Variants in BEST2 observed in about 807,000 individuals in gnomAD.
BEST2 encodes the protein bestrophin-2a.
A neutral mutation model predicts 49.0 loss-of-function variants in BEST2; 36 were observed. The ratio of observed to expected loss-of-function variants is 0.73; its 90% CI spans 0.56 to 0.97. The LOEUF is 0.97. BEST2 is among the 50% of genes least tolerant of loss of function. BEST2 has a pLI of 0.00. For missense variants in BEST2, 672 were observed against 710.0 expected (o/e 0.95, Z 0.61); for synonymous variants, 335 against 304.4 (o/e 1.10, Z -1.05).
chr19:12,756,338 T>C, intron 9 of BEST2, 43 bp downstream of exon 9: 1 of 1,604,258 alleles, frequency 6.2e-7, no homozygotes, highest in Non-Finnish European at 8.5e-7. Context: ...GCAGGGCTTA[T>C]GGCTCTGCGG....
chr19:12,753,504 A>C, intron 3 of BEST2, 150 bp downstream of exon 3: 11 of 685,610 alleles, frequency 1.6e-5, no homozygotes, highest in East Asian at 2.9e-5. Flanking sequence ...TTGGATCCAT[A>C]TCATGAAGAT....
intron 1 of BEST2, 101 bp from the exon 2 acceptor site, chr19:12,752,441 G>A (rs985528769): frequency 9.5e-6 from 7 of 740,412 alleles, no homozygotes; most frequent in African/African-American, 1.8e-5. Flanking sequence ...GGGAGGAGAA[G>A]GCAACTCAGG....
Position 12,753,254 on chromosome 19 carries a change from C to G in BEST2, c.153-6C>G. 1 of 1,614,112 alleles carries G rather than the reference C, an allele frequency of 6.2e-7. No homozygotes were observed. On this transcript the variant is annotated splice_polypyrimidine_tract_variant and splice_region_variant and intron_variant, in intron 2 of 9. Coordinates refer to ENST00000553030, the MANE Select transcript of BEST2 (RefSeq NM_017682.3). Reference sequence around the variant, plus strand: ...TGACCTGTGACCCCTCATCTCTATCCCGCAGCTTTGTGCTGACCGAAGGGC... The same window carrying G: ...TGACCTGTGACCCCTCATCTCTATCGCGCAGCTTTGTGCTGACCGAAGGGC...
Position 12,757,879 on chromosome 19 carries a change from G to A in BEST2, c.1332G>A (p.Pro444=). ...SCAVVPEGAA[P]ECSCGDPLLD... is the part of the protein sequence containing the mutation. ...CGGTTGTCCCCGAAGGCGCGGCCCC[G>A]GAGTGCAGCTGCGGGGACCCGCTGC... The change falls in exon 10 of 10, where the codon CCG becomes CCA. Residue 444 remains proline (P), a synonymous_variant. Coordinates refer to ENST00000553030, the MANE Select transcript of BEST2 (RefSeq NM_017682.3). 2 of 1,550,302 alleles carry A rather than the reference G, an allele frequency of 1.3e-6. No homozygotes were observed. The highest frequency in any genetic ancestry group is 1.7e-6 in the Non-Finnish European group (2 of 1,147,844).
At chr19:12,756,712 T>C (rs1298614610) in intron 9 of BEST2, 1 of 206,136 alleles carries the variant, frequency 4.9e-6, no homozygotes, top group Non-Finnish European at 1.0e-5. Flanking sequence ...CCAAGCGTGG[T>C]GGTGCACGCC....
rs766187425 is a variant in BEST2 at position 12,755,080 on chromosome 19, C to A, written c.636+49C>A. 1 of 1,547,532 alleles carries A rather than the reference C, an allele frequency of 6.5e-7. No individual in the cohort carries two copies. Among genetic ancestry groups the A allele is most frequent in the South Asian group, 1.2e-5 (1 of 80,540 alleles). On this transcript the variant is annotated intron_variant, in intron 5 of 9. Transcript: ENST00000553030. The surrounding 1 kb of genome is among the most constrained non-coding windows in gnomAD (Gnocchi z 4.4). The stretch of plus-strand genomic sequence containing the variant: ...CATATAGAATACCAGGGAAATTGTA[C>A]CCCTGGAGCTGTGTCAACGGCGGCC...
chr19:12,752,781 G>A (rs752076555), intron 2 of BEST2, 37 bp downstream of exon 2: 19 of 1,559,706 alleles, frequency 1.2e-5, no homozygotes, highest in South Asian at 4.7e-5. Context: ...TCTAGCGGAG[G>A]GGGGGCAGCT....
chr19:12,752,434 A>T, intron 1 of BEST2, 108 bp from the exon 2 acceptor site: 1 of 688,528 alleles, frequency 1.5e-6, no homozygotes. Context: ...TAAAGCTGGG[A>T]GGAGAAGGCA....
At position 12,755,038 on chromosome 19, in the gene BEST2, C is replaced by G; in HGVS notation, c.636+7C>G. The G allele has an allele frequency of 6.3e-7, 1 of 1,592,794 alleles. No homozygotes were observed. Among genetic ancestry groups the G allele is most frequent in the African/African-American group, 1.4e-5 (1 of 73,606 alleles). On this transcript the variant is annotated splice_region_variant and intron_variant, in intron 5 of 9. Transcript: ENST00000553030. The surrounding 1 kb of genome is among the most constrained non-coding windows in gnomAD (Gnocchi z 4.4). The stretch of plus-strand genomic sequence containing the variant: ...CCTTAAGCTGCTGCTCGAGGTGGGC[C>G]CAACCAGGAGGTCATTCATATAGAA...
In BEST2 at chr19:12,755,259, C is replaced by T. The variant is rs1967926943; in HGVS notation, c.637-120C>T. 4 of 1,171,928 alleles carry T rather than the reference C, an allele frequency of 3.4e-6. No homozygotes were observed. The highest frequency in any genetic ancestry group is 5.0e-6 in the Non-Finnish European group (4 of 800,932). The allele number at this position is 1,171,928 out of a possible 1,614,324, so 72.6% of individuals were successfully genotyped here. A position where few individuals can be genotyped will look rare whatever the true frequency, so the allele number is the denominator to read the frequency against. On this transcript the variant is annotated intron_variant, in intron 5 of 9. Transcript: ENST00000553030. This position sits in a 1 kb window ranked among gnomAD's most constrained non-coding sequence, Gnocchi z 4.4. ...ACCACCAAATACCCTCCCTGGAACC[C>T]CCAAAGCACACTCCCAATTCCCACC...
At chr19:12,756,110 C>G (rs1417084959) in intron 8 of BEST2, 31 bp from the exon 9 acceptor site, 1 of 1,613,366 alleles carries the variant, frequency 6.2e-7, no homozygotes, top group East Asian at 2.2e-5. Flanking sequence ...TTGCCCTGCC[C>G]CCACTTTACC....
intron 9 of BEST2, among the ~76,000 whole-genome samples, chr19:12,756,867 G>A (rs1967950971): frequency 6.6e-6 from 1 of 151,834 alleles, no homozygotes; most frequent in Admixed American, 6.6e-5. Flanking sequence ...ATAAAGGCCA[G>A]GCGCAGTGGC....
chr19:12,755,445 G>A lies in BEST2; in HGVS notation c.703G>A (p.Val235Met), dbSNP rs770640416. Residue 235 changes from valine to methionine, a missense_variant, in exon 6 of 10, where the codon GTG (valine) becomes ATG (methionine). Physicochemically the swap from Val to Met is conservative, Grantham distance 21 (BLOSUM62 1). This residue lies in a region of BEST2 where 365 missense variants were observed against 390.9 expected (regional missense o/e 0.93). Coordinates refer to ENST00000553030, the MANE Select transcript of BEST2 (RefSeq NM_017682.3). The surrounding 1 kb of genome is among the most constrained non-coding windows in gnomAD (Gnocchi z 4.4). ...CTATGACTGGATTAGCGTACCCCTC[G>A]TGTACACGCAGGTAACCCCATCATG... is the stretch of plus-strand genomic sequence containing the variant. ...FHYDWISVPL[V>M]YTQVVTIALY... The A allele has an allele frequency of 2.0e-5, 33 of 1,613,904 alleles. No homozygotes were observed. The highest frequency in any genetic ancestry group is 8.0e-5 in the African/African-American group (6 of 74,866).
chr19:12,757,763 G>A lies in BEST2; in HGVS notation c.1216G>A (p.Ala406Thr), dbSNP rs371090751. 3 of 1,544,636 alleles carry A rather than the reference G, an allele frequency of 1.9e-6. No individual in the cohort carries two copies. Among genetic ancestry groups the A allele is most frequent in the Non-Finnish European group, 2.6e-6 (3 of 1,146,016 alleles). Residue 406 changes from alanine (A) to threonine (T), a missense_variant, in exon 10 of 10, where the codon GCG (alanine) becomes ACG (threonine). Transcript: ENST00000553030. ...RLLPAGAGMVAGGPLGRRLSF... is the reference protein window; with the variant it reads ...RLLPAGAGMVTGGPLGRRLSF... The stretch of plus-strand genomic sequence containing the variant: ...CCTGCCGGCGGGCGCGGGCATGGTC[G>A]CGGGAGGCCCGCTGGGCCGGCGCCT...
Position 12,755,014 on chromosome 19 carries a change from C to T in BEST2, c.619C>T (p.Leu207Phe). 6.2e-7 allele frequency: 1 copy of T among 1,604,924 alleles called. No individual in the cohort carries two copies. Among genetic ancestry groups the T allele is most frequent in the Non-Finnish European group, 8.5e-7 (1 of 1,177,268 alleles). Residue 207 changes from leucine to phenylalanine, a missense_variant, in exon 5 of 10, where the codon CTT becomes TTT. Leu to Phe is a conservative substitution (Grantham distance 22, BLOSUM62 0). This residue lies in a region of BEST2 where 365 missense variants were observed against 390.9 expected (regional missense o/e 0.93). Coordinates refer to ENST00000553030, the MANE Select transcript of BEST2 (RefSeq NM_017682.3). This position sits in a 1 kb window ranked among gnomAD's most constrained non-coding sequence, Gnocchi z 4.4. ...GGGCCGCATCCGCGACAACAGCGCC[C>T]TTAAGCTGCTGCTCGAGGTGGGCCC... ...REGRIRDNSA[L>F]KLLLEELNVF...
chr19:12,756,951 C>G (rs1967951936), intron 9 of BEST2, among the ~76,000 whole-genome samples: 1 of 152,134 alleles, frequency 6.6e-6, no homozygotes, highest in Non-Finnish European at 1.5e-5. Flanking sequence ...CGAGACCAGC[C>G]TGGCCAACAT....
rs1277012963 is a variant in BEST2, at chr19:12,754,589, C to A, written c.285C>A (p.Ser95Arg). ...YVTLVVNRWW[S>R]QYLCMPLPDA... ...CGCTGGTGGTGAACCGCTGGTGGAGCCAGTACCTATGCATGCCGCTGCCCG... is the reference window on the plus strand; with the variant it reads ...CGCTGGTGGTGAACCGCTGGTGGAGACAGTACCTATGCATGCCGCTGCCCG... The change falls in exon 4 of 10, where the codon AGC becomes AGA. Residue 95 changes from serine to arginine, a missense_variant. Coordinates refer to ENST00000553030, the MANE Select transcript of BEST2 (RefSeq NM_017682.3). 3.9e-6 allele frequency: 6 copies of A among 1,558,128 alleles called. No homozygotes were observed. Among genetic ancestry groups the A allele is most frequent in the South Asian group, 1.2e-5 (1 of 85,562 alleles).
Position 12,757,878 on chromosome 19 carries a change from C to T in BEST2, c.1331C>T (p.Pro444Leu), listed in dbSNP as rs756045831. ...GCGGTTGTCCCCGAAGGCGCGGCCC[C>T]GGAGTGCAGCTGCGGGGACCCGCTG... ...SCAVVPEGAA[P>L]ECSCGDPLLD... Residue 444 changes from proline (P) to leucine (L), a missense_variant, in exon 10 of 10, where the codon CCG (proline) becomes CTG (leucine). This residue lies in a region of BEST2 where 291 missense variants were observed against 279.8 expected (regional missense o/e 1.04). Coordinates refer to ENST00000553030, the MANE Select transcript of BEST2 (RefSeq NM_017682.3). 1.8e-5 allele frequency: 28 copies of T among 1,549,822 alleles called. No homozygotes were observed. The highest frequency in any genetic ancestry group is 2.3e-5 in the Non-Finnish European group (26 of 1,147,668).
In BEST2 at chr19:12,757,779, G is replaced by C; in HGVS notation, c.1232G>C (p.Gly411Ala). Residue 411 changes from glycine (G) to alanine (A), a missense_variant, in exon 10 of 10, where the codon GGC (glycine) becomes GCC (alanine). Physicochemically the swap from Gly to Ala is moderately conservative, Grantham distance 60. This residue lies in a region of BEST2 where 291 missense variants were observed against 279.8 expected (regional missense o/e 1.04). Coordinates refer to ENST00000553030, the MANE Select transcript of BEST2 (RefSeq NM_017682.3). ...GGCATGGTCGCGGGAGGCCCGCTGGGCCGGCGCCTGTCCTTTCTACTCCGC... is the reference window on the plus strand; with the variant it reads ...GGCATGGTCGCGGGAGGCCCGCTGGCCCGGCGCCTGTCCTTTCTACTCCGC... ...GAGMVAGGPL[G>A]RRLSFLLRKN... is the part of the protein sequence containing the mutation. The C allele has an allele frequency of 6.5e-7, 1 of 1,546,036 alleles. No individual in the cohort carries two copies. The highest frequency in any genetic ancestry group is 8.7e-7 in the Non-Finnish European group (1 of 1,146,120).
Sources: allele counts gnomAD v4.1 joint callset (sites outside exome capture counted in the v4.1 genomes callset), GRCh38; gene constraint gnomAD v4.1.1; regional missense constraint gnomAD v4.1.1; non-coding constraint Gnocchi (gnomAD v3.1); transcripts MANE v1.5; gene names NCBI Gene and HGNC (gene_info 2026-07-23, HGNC 2026-07-21).